Variants in TFF1 observed in about 807,000 individuals in gnomAD.
TFF1 encodes the protein trefoil factor 1, also known as breast cancer estrogen-inducible protein.
Under a neutral mutation model 7.7 loss-of-function variants are expected in TFF1, and 8 were observed. The observed-to-expected ratio is 1.04, with a 90% CI of 0.61 to 1.87. The LOEUF (loss-of-function observed/expected upper bound fraction) is 1.87, where lower values mean the gene tolerates loss of function less well. Among genes scored for constraint, TFF1 ranks in the 40% most tolerant of loss-of-function variants. The probability of loss-of-function intolerance (pLI) is 0.00; values close to 1 mark genes in which losing one functional copy is unlikely to be tolerated. For synonymous variants in TFF1, 47 were observed against 44.8 expected, an observed-to-expected ratio of 1.05 and a Z score of -0.19; for missense variants, 120 against 113.4, an observed-to-expected ratio of 1.06 and a Z score of -0.26.
At chr21:42,364,641 G>A (rs916935828) in intron 1 of TFF1, among the ~76,000 whole-genome samples, 3 of 152,350 alleles carry the variant, frequency 2.0e-5, no homozygotes, top group African/African-American at 7.2e-5. Context: ...GGAGCCCAGA[G>A]CACCCTCCGG....
intron 1 of TFF1, among the ~76,000 whole-genome samples, chr21:42,365,762 C>G (rs549775433): frequency 6.6e-6 from 1 of 152,314 alleles, no homozygotes; most frequent in East Asian, 1.9e-4. Context: ...GATGCAAACA[C>G]TTCCCAAGGA....
chr21:42,365,558 T>C (rs1261213394), intron 1 of TFF1, among the ~76,000 whole-genome samples: 1 of 152,092 alleles, frequency 6.6e-6, no homozygotes, highest in African/African-American at 2.4e-5. Flanking sequence ...TCTTCAGGCC[T>C]CTCTGGAAAC....
In TFF1 at chr21:42,366,432, T is replaced by A. The variant is rs1568869425; in HGVS notation, c.64A>T (p.Thr22Ser). The A allele has an allele frequency of 4.3e-6, 7 of 1,611,616 alleles. No individual in the cohort carries two copies. The East Asian group carries it at 1.6e-4, about 36-fold the overall frequency. ...LVLVSMLALG[T>S]LAEAQTETCT... The stretch of plus-strand genomic sequence containing the variant: ...TTACCTGTCTGGGCCTCGGCCAGGG[T>A]GCCGAGGGCCAGCATGGACACCAGG... The change falls in exon 1 of 3, where the codon ACC becomes TCC. Residue 22 changes from threonine to serine, a missense_variant. Coordinates refer to ENST00000291527, the MANE Select transcript of TFF1 (RefSeq NM_003225.3).
intron 1 of TFF1, among the ~76,000 whole-genome samples, chr21:42,364,227 G>A (rs1461228025): frequency 2.6e-5 from 4 of 152,234 alleles, no homozygotes; most frequent in East Asian, 1.9e-4. Context: ...GGCACTCCCC[G>A]GAGAGGCCAA....
intron 1 of TFF1, among the ~76,000 whole-genome samples, chr21:42,364,888 T>C (rs1252793395): frequency 6.6e-6 from 1 of 152,156 alleles, no homozygotes; most frequent in Non-Finnish European, 1.5e-5. Context: ...TCTGGATCCA[T>C]CGCGACGTGA....
At position 42,362,417 on chromosome 21, in the gene TFF1, G is replaced by A. The variant is rs72561489; in HGVS notation, c.*62C>T. On this transcript the variant is annotated 3_prime_UTR_variant, in exon 3 of 3. Transcript: ENST00000291527. Reference sequence around the variant, plus strand: ...GGTGGAGGTGGCAGCCGAGCTCTGGGACTAATCACCGTGCTGGGGACGGCA... The same window carrying A: ...GGTGGAGGTGGCAGCCGAGCTCTGGAACTAATCACCGTGCTGGGGACGGCA... 7.4e-3 allele frequency: 11,499 copies of A among 1,550,304 alleles called. 55 individuals carry two copies. Among genetic ancestry groups the A allele is most frequent in the Non-Finnish European group, 8.9e-3 (10,176 of 1,147,994 alleles).
intron 1 of TFF1, among the ~76,000 whole-genome samples, chr21:42,363,873 AAGG>A (rs749978541): frequency 2.6e-5 from 4 of 152,166 alleles, no homozygotes; most frequent in Non-Finnish European, 5.9e-5. Flanking sequence ...TGGGAGGCTG[AAGG>A]AGGTGAATCA....
intron 1 of TFF1, among the ~76,000 whole-genome samples, chr21:42,363,742 C>A (rs2052258394): frequency 6.6e-6 from 1 of 152,180 alleles, no homozygotes; most frequent in Admixed American, 6.5e-5. Flanking sequence ...GAAGTGGGAG[C>A]TAGCATGGCA....
At chr21:42,363,193 T>C (rs2052253094) in intron 2 of TFF1, 62 bp downstream of exon 2, 24 of 1,607,662 alleles carry the variant, frequency 1.5e-5, no homozygotes, top group Non-Finnish European at 1.9e-5. Context: ...GCCTCTGTAG[T>C]CTTAAATGAC....
intron 2 of TFF1, among the ~76,000 whole-genome samples, chr21:42,362,748 A>C (rs2052248019): frequency 6.6e-6 from 1 of 152,018 alleles, no homozygotes; most frequent in Admixed American, 6.5e-5. Flanking sequence ...TCTATACTAA[A>C]AATACAAAAA....
chr21:42,363,613 A>T (rs1394279615), intron 1 of TFF1, among the ~76,000 whole-genome samples: 1 of 152,210 alleles, frequency 6.6e-6, no homozygotes, highest in Non-Finnish European at 1.5e-5. Flanking sequence ...AAGGTGCCCC[A>T]GGTTTGTGGA....
At chr21:42,363,779 G>A (rs868422708) in intron 1 of TFF1, among the ~76,000 whole-genome samples, 35 of 152,220 alleles carry the variant, frequency 2.3e-4, no homozygotes, top group African/African-American at 8.4e-4. Flanking sequence ...CCAGGTGAGA[G>A]AGACCCAGAA....
At position 42,366,450 on chromosome 21, in the gene TFF1, A is replaced by T. The variant is rs374649631; in HGVS notation, c.46T>A (p.Ser16Thr). The part of the protein sequence containing the change: ...NKVICALVLV[S>T]MLALGTLAEA... Reference sequence around the variant, plus strand: ...GCCAGGGTGCCGAGGGCCAGCATGGACACCAGGACCAGGGCGCAGATCACC... The same window carrying T: ...GCCAGGGTGCCGAGGGCCAGCATGGTCACCAGGACCAGGGCGCAGATCACC... The change falls in exon 1 of 3, where the codon TCC (serine) becomes ACC (threonine). Residue 16 changes from serine (S) to threonine (T), a missense_variant. Physicochemically the swap from Ser to Thr is moderately conservative, Grantham distance 58. Coordinates refer to ENST00000291527, the MANE Select transcript of TFF1 (RefSeq NM_003225.3). The T allele has an allele frequency of 3.1e-6, 5 of 1,612,550 alleles. No homozygotes were observed. The highest frequency in any genetic ancestry group is 4.2e-6 in the Non-Finnish European group (5 of 1,179,028).
At chr21:42,365,874 G>C (rs916944177) in intron 1 of TFF1, among the ~76,000 whole-genome samples, 3 of 152,192 alleles carry the variant, frequency 2.0e-5, no homozygotes, top group African/African-American at 7.2e-5. Context: ...ACTCATGAGA[G>C]AGGTGGCTTT....
intron 2 of TFF1, 62 bp from the exon 3 acceptor site, chr21:42,362,557 A>C: frequency 6.6e-7 from 1 of 1,504,608 alleles, no homozygotes; most frequent in Non-Finnish European, 8.9e-7. Context: ...TTTCTTTCAC[A>C]TTTAAACAAT....
Position 42,362,511 on chromosome 21 carries a change from G to A in TFF1, c.239-16C>T, listed in dbSNP as rs767599149. ...TCACACTCCTCTACAGGGGTGAGGG[G>A]GAGGGAGAAAGAGATGCTTTAGTGA... On this transcript the variant is annotated splice_polypyrimidine_tract_variant and intron_variant, in intron 2 of 2. Transcript: ENST00000291527. 6.3e-7 allele frequency: 1 copy of A among 1,576,066 alleles called. No individual in the cohort carries two copies.
chr21:42,365,325 G>C (rs771367480), intron 1 of TFF1, among the ~76,000 whole-genome samples: 1 of 152,052 alleles, frequency 6.6e-6, no homozygotes, highest in Non-Finnish European at 1.5e-5. Flanking sequence ...TGGCCAGCAC[G>C]GGGACCCACC....
chr21:42,363,146 ACT>A lies in TFF1; in HGVS notation c.238+107_238+108del. 4.8e-6 allele frequency: 7 copies of A among 1,448,368 alleles called. No homozygotes were observed. The East Asian group carries it at 1.4e-4, about 29-fold the overall frequency. The allele number at this position is 1,448,368 out of a possible 1,614,324, so 89.7% of individuals were successfully genotyped here. A position where few individuals can be genotyped will look rare whatever the true frequency, so the allele number is the denominator to read the frequency against. ...CATTGCACCACCACTGGCGGCCGTG[ACT>A]CTGTGTAAAGGCATAGCTGGTGATG... On this transcript the variant is annotated intron_variant, in intron 2 of 2. Transcript: ENST00000291527.
At chr21:42,365,285 G>T (rs1025483948) in intron 1 of TFF1, among the ~76,000 whole-genome samples, 13 of 152,050 alleles carry the variant, frequency 8.5e-5, no homozygotes, top group African/African-American at 3.1e-4. Context: ...CTGGGGTGGG[G>T]GCAAGGGCGC....
Sources: allele counts gnomAD v4.1 joint callset (sites outside exome capture counted in the v4.1 genomes callset), GRCh38; gene constraint gnomAD v4.1.1; transcripts MANE v1.5; gene names NCBI Gene and HGNC (gene_info 2026-07-23, HGNC 2026-07-21).